The following ME2 variants were observed in gnomAD, a reference collection of about 807,000 sequenced individuals.
ME2 encodes malic enzyme 2.
Under a neutral mutation model 73.7 loss-of-function variants are expected in ME2, and 60 were observed. The ratio of observed to expected loss-of-function variants is 0.81; its 90% CI spans 0.66 to 1.01. The LOEUF is 1.01. ME2 is among the 50% of genes least tolerant of loss of function. The pLI, the probability that ME2 is intolerant of heterozygous loss-of-function variation, is 0.00. For missense variants in ME2, 594 were observed against 705.5 expected, an observed-to-expected ratio of 0.84 and a Z score of 1.79; for synonymous variants, 199 against 236.9, an observed-to-expected ratio of 0.84 and a Z score of 1.47.
chr18:50,884,386 T>C (rs1015329804), intron 1 of ME2, among the ~76,000 whole-genome samples: 13 of 152,204 alleles, frequency 8.5e-5, no homozygotes, highest in Non-Finnish European at 1.8e-4. Context: ...CCTCAATCTG[T>C]CATAAGGCTA....
At chr18:50,889,189 T>C (rs1916550392) in intron 1 of ME2, among the ~76,000 whole-genome samples, 1 of 152,160 alleles carries the variant, frequency 6.6e-6, no homozygotes, top group African/African-American at 2.4e-5. Context: ...TGATCCCCTT[T>C]TGATCACACC....
chr18:50,883,466 C>T (rs1479346454), intron 1 of ME2, among the ~76,000 whole-genome samples: 4 of 152,238 alleles, frequency 2.6e-5, no homozygotes, highest in African/African-American at 9.6e-5. Context: ...GTGAGTTCCA[C>T]TGCTTCCCTG....
At chr18:50,885,374 C>T (rs756720563) in intron 1 of ME2, among the ~76,000 whole-genome samples, 25 of 152,124 alleles carry the variant, frequency 1.6e-4, no homozygotes, top group Non-Finnish European at 2.9e-4. Flanking sequence ...TAAAATTAGC[C>T]GGGCACAGTG....
chr18:50,948,312 C>T lies in ME2; in HGVS notation c.*1128C>T, dbSNP rs949962134. 2 of 152,080 alleles carry T rather than the reference C, an allele frequency of 1.3e-5. No individual in the cohort carries two copies. The highest frequency in any genetic ancestry group is 3.9e-4 in the East Asian group (2 of 5,184). The allele number at this position is 152,080 out of a possible 1,614,324, so 9.4% of individuals were successfully genotyped here. ...ATCCCAGTAAAATGGGTAATAATGG[C>T]TATCCAGAACAGTTTTCTTGTGTGG... On this transcript the variant is annotated 3_prime_UTR_variant, in exon 16 of 16. Coordinates refer to ENST00000321341, the MANE Select transcript of ME2 (RefSeq NM_002396.5).
rs1916726604 is a variant in ME2 at position 50,895,821 on chromosome 18, ATGT to A, written c.5_7del (p.Leu2?). The A allele has an allele frequency of 1.2e-6, 2 of 1,609,692 alleles. No homozygotes were observed. The highest frequency in any genetic ancestry group is 1.1e-5 in the South Asian group (1 of 90,844). ...TTGTTTTTCTCAGGTGAAAGAAAAGATGTTGTCCCGGTTAAGAGTAGTTTCCAC... is the reference window on the plus strand; with the variant it reads ...TTGTTTTTCTCAGGTGAAAGAAAAGATGTCCCGGTTAAGAGTAGTTTCCAC... On this transcript the variant is annotated start_lost and inframe_deletion, in exon 2 of 16. Coordinates refer to ENST00000321341, the MANE Select transcript of ME2 (RefSeq NM_002396.5).
chr18:50,882,843 G>C (rs1482256252), intron 1 of ME2, among the ~76,000 whole-genome samples: 1 of 152,144 alleles, frequency 6.6e-6, no homozygotes, highest in Non-Finnish European at 1.5e-5. Flanking sequence ...CAGCTACTCA[G>C]TAGGCTGAGG....
At chr18:50,935,321 G>A (rs901357299) in intron 13 of ME2, 3 of 152,106 alleles carry the variant, frequency 2.0e-5, no homozygotes, top group Non-Finnish European at 2.9e-5. Flanking sequence ...CAGACACACT[G>A]AAACCCTGGA....
At chr18:50,880,203 TAACCC>T (rs1916282168) in intron 1 of ME2, among the ~76,000 whole-genome samples, 3 of 152,230 alleles carry the variant, frequency 2.0e-5, no homozygotes, top group African/African-American at 7.2e-5. Context: ...TATCTCAAAA[TAACCC>T]TTTGAGGTTG....
intron 12 of ME2, among the ~76,000 whole-genome samples, chr18:50,930,487 A>G (rs1172919621): frequency 6.6e-6 from 1 of 152,202 alleles, no homozygotes; most frequent in African/African-American, 2.4e-5. Context: ...CTGCTTACAT[A>G]GACCAAGTTG....
intron 15 of ME2, among the ~76,000 whole-genome samples, chr18:50,944,129 A>G (rs1918028147): frequency 6.6e-6 from 1 of 152,138 alleles, no homozygotes; most frequent in Non-Finnish European, 1.5e-5. Flanking sequence ...TGGGAGGATC[A>G]CTTAAACACA....
At chr18:50,913,460 A>C (rs909582070) in intron 4 of ME2, among the ~76,000 whole-genome samples, 1 of 151,984 alleles carries the variant, frequency 6.6e-6, no homozygotes, top group African/African-American at 2.4e-5. Context: ...CAACCTCCCT[A>C]GTAGCTGGAA....
intron 7 of ME2, 40 bp from the exon 8 acceptor site, chr18:50,920,416 T>C (rs1344963997): frequency 7.5e-7 from 1 of 1,332,828 alleles, no homozygotes; most frequent in Non-Finnish European, 1.1e-6. Context: ...TTTAATAGTG[T>C]TATTTTCAAC....
intron 1 of ME2, among the ~76,000 whole-genome samples, chr18:50,893,124 C>CAAAAAAAAAAAAAAAAA (rs56104427): frequency 1.2e-4 from 9 of 78,092 alleles, no homozygotes; most frequent in Non-Finnish European, 1.4e-4. Context: ...GACTCTATCT[C>CAAAAAAAAAAAAAAAAA]AAAAAAAAAA....
chr18:50,884,903 G>A (rs1916419655), intron 1 of ME2, among the ~76,000 whole-genome samples: 1 of 151,814 alleles, frequency 6.6e-6, no homozygotes, highest in Admixed American at 6.6e-5. Flanking sequence ...TGCCCAGGCT[G>A]CAGTGCAGTG....
chr18:50,915,014 A>G (rs1917251278), intron 4 of ME2, among the ~76,000 whole-genome samples: 1 of 152,170 alleles, frequency 6.6e-6, no homozygotes, highest in Admixed American at 6.5e-5. Flanking sequence ...TGACCCTTGA[A>G]CAACACAGGT....
intron 3 of ME2, among the ~76,000 whole-genome samples, chr18:50,908,704 G>C (rs900301801): frequency 1.6e-4 from 24 of 147,068 alleles, no homozygotes; most frequent in Non-Finnish European, 3.5e-4. Context: ...GCAGTGGTGC[G>C]ATCTCAGCTT....
In ME2 at chr18:50,950,913, A is replaced by G. The variant is rs1482667904; in HGVS notation, c.*3729A>G. 1 of 152,206 alleles carries G rather than the reference A, an allele frequency of 6.6e-6. No homozygotes were observed. Among genetic ancestry groups the G allele is most frequent in the Non-Finnish European group, 1.5e-5 (1 of 68,042 alleles). The allele number at this position is 152,206 out of a possible 1,614,324, so 9.4% of individuals were successfully genotyped here. On this transcript the variant is annotated 3_prime_UTR_variant, in exon 16 of 16. Transcript: ENST00000321341. ...AGCAGTTCTTTAGCGTTTATGTGTCATATACTTCAAGTTACATGAAAAAGA... is the reference window on the plus strand; with the variant it reads ...AGCAGTTCTTTAGCGTTTATGTGTCGTATACTTCAAGTTACATGAAAAAGA...
rs1599112924 is a variant in ME2 at position 50,923,989 on chromosome 18, A to G, written c.1057-109A>G. 9.1e-6 allele frequency: 6 copies of G among 657,998 alleles called. No individual in the cohort carries two copies. In the East Asian group the frequency reaches 1.7e-4, roughly 18 times the overall value. The allele number at this position is 657,998 out of a possible 1,614,324, so 40.8% of individuals were successfully genotyped here. On this transcript the variant is annotated intron_variant, in intron 10 of 15. Coordinates refer to ENST00000321341, the MANE Select transcript of ME2 (RefSeq NM_002396.5). ...TTGAAGAGGAAAGTAAATGAAAATGAAAAGACATTTCTATTGTAGAAACAA... is the reference window on the plus strand; with the variant it reads ...TTGAAGAGGAAAGTAAATGAAAATGGAAAGACATTTCTATTGTAGAAACAA...
At chr18:50,897,689 C>T (rs755124770) in intron 2 of ME2, among the ~76,000 whole-genome samples, 8 of 151,876 alleles carry the variant, frequency 5.3e-5, no homozygotes, top group African/African-American at 7.3e-5. Context: ...GGAGAAACCC[C>T]ATCTCTACTA....
Sources: gnomAD v4.1 joint callset for allele counts (sites outside exome capture counted in the v4.1 genomes callset) on GRCh38, gnomAD v4.1.1 for gene constraint, MANE v1.5 for transcripts, NCBI Gene and HGNC (gene_info 2026-07-23, HGNC 2026-07-21) for gene names.